The following MTERF4 variants were observed in gnomAD, a reference collection of about 807,000 sequenced individuals.
MTERF4 encodes transcription termination factor 4, mitochondrial.
A neutral mutation model predicts 22.5 loss-of-function variants in MTERF4; 17 were observed. That is an observed-to-expected ratio of 0.75 (90% CI 0.52 to 1.13). The LOEUF (loss-of-function observed/expected upper bound fraction) is 1.13. Among genes scored for constraint, MTERF4 ranks in the 50% most tolerant of loss-of-function variants. The pLI is 0.00. For missense variants in MTERF4, 420 were observed against 466.8 expected (o/e 0.90, Z 0.92); for synonymous variants, 165 against 175.3 (o/e 0.94, Z 0.47).
the MTERF4 span, among the ~76,000 whole-genome samples, chr2:241,057,802 A>G: frequency 6.6e-6 from 1 of 152,240 alleles, no homozygotes; most frequent in Admixed American, 6.5e-5. Context: ...TCAGAGGCTT[A>G]GCAAAAAAAA....
the MTERF4 span, chr2:241,064,781 C>T: frequency 8.3e-6 from 10 of 1,209,502 alleles, no homozygotes; most frequent in East Asian, 2.8e-5. This position sits in a 1 kb window ranked among gnomAD's most constrained non-coding sequence, Gnocchi z 7.0. Flanking sequence ...GGAGCAAGGG[C>T]GGGGCTGGAG....
chr2:241,090,466 G>T, downstream of MTERF4: 5 of 1,529,232 alleles, frequency 3.3e-6, no homozygotes, highest in South Asian at 1.2e-5. Context: ...TAATGATGAA[G>T]AGTATAGTAA....
At chr2:241,085,485 T>A (rs2063529086), downstream of MTERF4, among the ~76,000 whole-genome samples, 1 of 152,222 alleles carries the variant, frequency 6.6e-6, no homozygotes, top group Non-Finnish European at 1.5e-5. Context: ...TATTTTCCTT[T>A]AGCTCACTGA....
At chr2:241,101,538 T>C (rs576639238) in intron 1 of MTERF4, among the ~76,000 whole-genome samples, 7 of 152,302 alleles carry the variant, frequency 4.6e-5, no homozygotes, top group Admixed American at 4.6e-4. Context: ...TCCAGCGTCA[T>C]CGATTGTCGC....
chr2:241,088,094 G>GC, downstream of MTERF4: 1 of 487,102 alleles, frequency 2.1e-6, no homozygotes, highest in Non-Finnish European at 3.6e-6. Context: ...GCTTTTGCTT[G>GC]CTTTCTCCCA....
chr2:241,069,294 G>A (rs1334977268), downstream of MTERF4, among the ~76,000 whole-genome samples: 1 of 152,192 alleles, frequency 6.6e-6, no homozygotes, highest in African/African-American at 2.4e-5. This position sits in a 1 kb window ranked among gnomAD's most constrained non-coding sequence, Gnocchi z 4.9. Context: ...ACCGACCAGA[G>A]GGCCAGAGGA....
At chr2:241,072,415 C>T (rs2062777121) in exon 5 of MTERF4, 1 of 361,176 alleles carries the variant, frequency 2.8e-6, no homozygotes, top group South Asian at 2.1e-5. Flanking sequence ...GACACAGAAG[C>T]CCTGAGACAT....
chr2:241,043,806 A>C, the MTERF4 span, among the ~76,000 whole-genome samples: 1 of 152,230 alleles, frequency 6.6e-6, no homozygotes, highest in Non-Finnish European at 1.5e-5. Context: ...ATGTGAAAGC[A>C]GCCAGCCATA....
chr2:241,053,464 C>T, the MTERF4 span: 10 of 856,740 alleles, frequency 1.2e-5, no homozygotes, highest in Non-Finnish European at 1.8e-5. Context: ...TCCCCTCAGT[C>T]TCCTGTCTGT....
chr2:241,087,701 G>T (rs192541845), downstream of MTERF4: 1,083 of 1,365,044 alleles, frequency 7.9e-4, no homozygotes, highest in Non-Finnish European at 9.7e-4. Flanking sequence ...TGGGTGCTGG[G>T]GGGGGTCACT....
chr2:241,050,710 C>T, the MTERF4 span, among the ~76,000 whole-genome samples: 1 of 152,200 alleles, frequency 6.6e-6, no homozygotes, highest in Non-Finnish European at 1.5e-5. Flanking sequence ...CTGACGAGGT[C>T]TTTGTCTCTC....
chr2:241,064,581 G>A, the MTERF4 span, among the ~76,000 whole-genome samples: 5 of 152,294 alleles, frequency 3.3e-5, no homozygotes, highest in South Asian at 1.0e-3. This position sits in a 1 kb window ranked among gnomAD's most constrained non-coding sequence, Gnocchi z 7.0. Flanking sequence ...CTGGGGTGGT[G>A]GCCTGTCCTG....
chr2:241,087,208 C>T, downstream of MTERF4: 1 of 582,364 alleles, frequency 1.7e-6, no homozygotes, highest in Non-Finnish European at 3.1e-6. Flanking sequence ...AAATTTATTA[C>T]AAATCACATG....
chr2:241,085,075 T>C (rs1372156598), downstream of MTERF4, among the ~76,000 whole-genome samples: 1 of 152,242 alleles, frequency 6.6e-6, no homozygotes, highest in Non-Finnish European at 1.5e-5. Flanking sequence ...TTGGACAATT[T>C]AATTATGATG....
chr2:241,079,491 T>C (rs1575104518), intron 4 of MTERF4, among the ~76,000 whole-genome samples: 1 of 150,202 alleles, frequency 6.7e-6, no homozygotes, highest in South Asian at 2.1e-4. Flanking sequence ...AGAAGGGAAA[T>C]ACAAATTTTG....
chr2:241,070,941 G>T (rs1288359952), downstream of MTERF4, among the ~76,000 whole-genome samples: 1 of 152,234 alleles, frequency 6.6e-6, no homozygotes, highest in Non-Finnish European at 1.5e-5. Context: ...GTGAGGCTGT[G>T]CTGGGGACAC....
the MTERF4 span, among the ~76,000 whole-genome samples, chr2:241,059,928 TAAAAG>T: frequency 2.6e-5 from 4 of 151,808 alleles, no homozygotes; most frequent in East Asian, 5.8e-4. Flanking sequence ...GAAAAGGAAA[TAAAAG>T]GAAGGAAAGG....
downstream of MTERF4, chr2:241,088,255 G>A (rs773914447): frequency 2.5e-6 from 2 of 791,914 alleles, no homozygotes; most frequent in Non-Finnish European, 4.5e-6. Context: ...ACCGTGGAAT[G>A]TATGTGAGCT....
chr2:241,054,433 G>A, the MTERF4 span, among the ~76,000 whole-genome samples: 2 of 152,198 alleles, frequency 1.3e-5, no homozygotes, highest in Admixed American at 6.5e-5. Flanking sequence ...GCCCGGCGTG[G>A]TGGCACATGC....
Sources: gnomAD v4.1 joint callset for allele counts (sites outside exome capture counted in the v4.1 genomes callset) on GRCh38, gnomAD v4.1.1 for gene constraint, Gnocchi (gnomAD v3.1) non-coding constraint, MANE v1.5 for transcripts, NCBI Gene and HGNC (gene_info 2026-07-23, HGNC 2026-07-21) for gene names.